CDH13: variants seen among roughly 807,000 people sequenced by gnomAD.
The protein encoded by CDH13 is cadherin-13.
Under a neutral mutation model 63.8 loss-of-function variants are expected in CDH13, and 24 were observed. The ratio of observed to expected loss-of-function variants is 0.38; its 90% confidence interval spans 0.27 to 0.53. CDH13 has a LOEUF of 0.53. Among genes scored for constraint, CDH13 ranks in the 20% least tolerant of loss-of-function variants. The pLI, the probability that CDH13 is intolerant of heterozygous loss-of-function variation, is 0.85. For missense variants in CDH13, 1,049 were observed against 903.1 expected, an observed-to-expected ratio of 1.16 and a Z score of -2.07; for synonymous variants, 503 against 355.3, an observed-to-expected ratio of 1.42 and a Z score of -4.67.
intron 3 of CDH13, among the ~76,000 whole-genome samples, chr16:83,075,000 A>C (rs528388438): frequency 6.6e-6 from 1 of 152,318 alleles, no homozygotes; most frequent in African/African-American, 2.4e-5. Context: ...TGCTGGGCTG[A>C]TAATGGCCAT....
chr16:83,657,327 A>G (rs142270689), intron 8 of CDH13, among the ~76,000 whole-genome samples: 1 of 152,302 alleles, frequency 6.6e-6, no homozygotes, highest in African/African-American at 2.4e-5. Flanking sequence ...TTATGAGGTC[A>G]AACAAGGTGT....
intron 1 of CDH13, among the ~76,000 whole-genome samples, chr16:82,753,612 T>C (rs1405014732): frequency 6.6e-6 from 1 of 152,194 alleles, no homozygotes; most frequent in Admixed American, 6.5e-5. Flanking sequence ...CAAATGGAAG[T>C]GTGCTGTAAT....
chr16:83,437,904 A>G (rs2072359725), intron 6 of CDH13, among the ~76,000 whole-genome samples: 1 of 152,098 alleles, frequency 6.6e-6, no homozygotes, highest in African/African-American at 2.4e-5. Context: ...ATGGCCAGTT[A>G]TCGCCCAACT....
chr16:82,708,114 C>A (rs1211707197), intron 1 of CDH13, among the ~76,000 whole-genome samples: 1 of 152,170 alleles, frequency 6.6e-6, no homozygotes, highest in Non-Finnish European at 1.5e-5. Flanking sequence ...CTTTTCAGTG[C>A]ACGCATGGAG....
At chr16:83,271,489 G>A (rs2088812437) in intron 5 of CDH13, among the ~76,000 whole-genome samples, 1 of 32,058 alleles carries the variant, frequency 3.1e-5, no homozygotes, top group Non-Finnish European at 7.0e-5. Context: ...CCTGCATAAT[G>A]GGCTTTTATT....
chr16:83,357,414 G>T (rs2091076759), intron 6 of CDH13, among the ~76,000 whole-genome samples: 1 of 152,160 alleles, frequency 6.6e-6, no homozygotes, highest in Non-Finnish European at 1.5e-5. Flanking sequence ...AAAAATGTCT[G>T]CGTAGATTTT....
intron 7 of CDH13, among the ~76,000 whole-genome samples, chr16:83,541,756 A>G (rs552748556): frequency 5.3e-5 from 8 of 152,348 alleles, no homozygotes; most frequent in African/African-American, 1.9e-4. Flanking sequence ...TATTTGTTGC[A>G]GCAGTTAATG....
chr16:82,998,452 T>G (rs934162274), intron 2 of CDH13, among the ~76,000 whole-genome samples: 1 of 152,210 alleles, frequency 6.6e-6, no homozygotes, highest in African/African-American at 2.4e-5. Context: ...CTTTTTCTTT[T>G]TCTGGACAGC....
intron 13 of CDH13, among the ~76,000 whole-genome samples, chr16:83,787,190 T>A (rs1021300423): frequency 2.0e-5 from 3 of 152,242 alleles, no homozygotes; most frequent in Non-Finnish European, 4.4e-5. Context: ...CTACCTGTGT[T>A]ACATTCACAA....
chr16:83,190,812 C>T lies in CDH13; in HGVS notation c.484-26533C>T, dbSNP rs2038674079. Reference sequence around the variant, plus strand: ...CACTGTGGTGACATTTAAAATGCTTCCTGCTCAACCAAACAGCCAATTGAT... The same window carrying T: ...CACTGTGGTGACATTTAAAATGCTTTCTGCTCAACCAAACAGCCAATTGAT... On this transcript the variant is annotated intron_variant, in intron 4 of 13. Transcript: ENST00000567109. Among the ~76,000 whole-genome samples the T allele has an allele frequency of 2.6e-5, 4 of 152,124 alleles. No individual in the cohort carries two copies. In the South Asian group the frequency reaches 8.3e-4, roughly 32 times the overall value.
chr16:83,430,243 C>A (rs889676305), intron 6 of CDH13, among the ~76,000 whole-genome samples: 1 of 152,208 alleles, frequency 6.6e-6, no homozygotes, highest in African/African-American at 2.4e-5. Flanking sequence ...CATGCACTCT[C>A]TTTTCCAGTT....
Position 83,188,975 on chromosome 16 carries a change from G to C in CDH13, c.484-28370G>C, listed in dbSNP as rs2038612996. Among the ~76,000 whole-genome samples, 2 of 152,034 alleles carry C rather than the reference G, an allele frequency of 1.3e-5. 1 individual carries two copies. Among genetic ancestry groups the C allele is most frequent in the Admixed American group, 1.3e-4 (2 of 15,266 alleles). ...GTTTTTAACTTTAGCTGTGACACTG[G>C]GATCTCAGTCATGGAAGTTCACTGA... is the stretch of plus-strand genomic sequence containing the variant. On this transcript the variant is annotated intron_variant, in intron 4 of 13. Transcript: ENST00000567109.
intron 1 of CDH13, among the ~76,000 whole-genome samples, chr16:82,694,055 A>G (rs2029959657): frequency 6.6e-6 from 1 of 152,260 alleles, no homozygotes; most frequent in Admixed American, 6.5e-5. Flanking sequence ...AAAATAAAAC[A>G]TATACTTAAA....
At chr16:82,983,467 C>A (rs1910546289) in intron 2 of CDH13, among the ~76,000 whole-genome samples, 1 of 152,126 alleles carries the variant, frequency 6.6e-6, no homozygotes, top group Non-Finnish European at 1.5e-5. Context: ...ATGGTGAAGC[C>A]CACTTCCTTT....
intron 1 of CDH13, among the ~76,000 whole-genome samples, chr16:82,747,508 C>T (rs1360630364): frequency 6.6e-6 from 1 of 152,172 alleles, no homozygotes; most frequent in African/African-American, 2.4e-5. Context: ...GGACCAGCAG[C>T]ATCTGCATTA....
Position 83,798,284 on chromosome 16 carries a change from G to T in CDH13, c.*3254G>T, listed in dbSNP as rs1029903217. 5 of 152,196 alleles carry T rather than the reference G, an allele frequency of 3.3e-5. No individual in the cohort carries two copies. The highest frequency in any genetic ancestry group is 9.7e-5 in the African/African-American group (4 of 41,436). 9.4% of individuals were successfully genotyped at this position (152,196 alleles called of 1,614,324 possible). ...TTTAACAAGTCTGTGTTTGATCCTG[G>T]ATTTAGTGCAGTTGCACCCAGGCAC... On this transcript the variant is annotated 3_prime_UTR_variant, in exon 14 of 14. Transcript: ENST00000567109.
At chr16:83,075,146 G>C (rs1309795663) in intron 3 of CDH13, among the ~76,000 whole-genome samples, 1 of 152,170 alleles carries the variant, frequency 6.6e-6, no homozygotes, top group Non-Finnish European at 1.5e-5. Flanking sequence ...TTGAGCTCCA[G>C]TTGCCCACAG....
At chr16:82,977,158 A>G (rs1308691287) in intron 2 of CDH13, among the ~76,000 whole-genome samples, 1 of 152,200 alleles carries the variant, frequency 6.6e-6, no homozygotes, top group Non-Finnish European at 1.5e-5. Flanking sequence ...ATTGAGCTCC[A>G]TTTTGAATTG....
chr16:82,902,372 T>G (rs2041500620), intron 2 of CDH13, among the ~76,000 whole-genome samples: 1 of 149,172 alleles, frequency 6.7e-6, no homozygotes, highest in South Asian at 2.1e-4. Flanking sequence ...TCATGATAAA[T>G]GAAGCCAGGT....
Sources: allele counts gnomAD v4.1 joint callset (sites outside exome capture counted in the v4.1 genomes callset), GRCh38; gene constraint gnomAD v4.1.1; transcripts MANE v1.5; gene names NCBI Gene and HGNC (gene_info 2026-07-23, HGNC 2026-07-21).